The following CFAP20DC variants were observed in gnomAD, a reference collection of about 807,000 sequenced individuals.
The protein encoded by CFAP20DC is CFAP20 domain containing.
CFAP20DC carries 84 observed loss-of-function variants against 101.7 expected under a neutral mutation model. The ratio of observed to expected loss-of-function variants is 0.83; its 90% CI spans 0.69 to 0.99. The LOEUF is 0.99. CFAP20DC is among the 50% of genes least tolerant of loss of function. The pLI is 0.00. For synonymous variants in CFAP20DC, 359 were observed against 351.2 expected (o/e 1.02, Z -0.25); for missense variants, 1,007 against 970.3 (o/e 1.04, Z -0.50).
In CFAP20DC at chr3:58,788,444, C is replaced by T. The variant is rs1020681571; in HGVS notation, c.2237+17951G>A. 6.6e-6 allele frequency among the ~76,000 whole-genome samples: 1 copy of T among 152,132 alleles called. No homozygotes were observed. The highest frequency in any genetic ancestry group is 1.5e-5 in the Non-Finnish European group (1 of 68,030). ...AAGTAATGGGGAGCAAATGGGGAAT[C>T]AACGAGAAAAATTTCTTACCTTTAG... On this transcript the variant is annotated intron_variant, in intron 15 of 16. Transcript: ENST00000482387. This position sits in a 1 kb window ranked among gnomAD's most constrained non-coding sequence, Gnocchi z 4.2.
rs146056417 is a variant in CFAP20DC, at chr3:58,864,043, C to T, written c.1259-151G>A. ...CGCGATCTCGGCTCACTGCAACCTCCGCCTCCCAACCTTCAAGTGATTCTC... is the reference window on the plus strand; with the variant it reads ...CGCGATCTCGGCTCACTGCAACCTCTGCCTCCCAACCTTCAAGTGATTCTC... On this transcript the variant is annotated intron_variant, in intron 11 of 16. Coordinates refer to ENST00000482387, the MANE Select transcript of CFAP20DC (RefSeq NM_001394063.1). This position sits in a 1 kb window ranked among gnomAD's most constrained non-coding sequence, Gnocchi z 4.7. 2.4e-3 allele frequency: 1,729 copies of T among 717,670 alleles called. 25 individuals carry two copies. In the African/African-American group the frequency reaches 0.027, roughly 11 times the overall value. The allele number at this position is 717,670 out of a possible 1,614,324, so 44.5% of individuals were successfully genotyped here. A position where few individuals can be genotyped will look rare whatever the true frequency, so the allele number is the denominator to read the frequency against.
chr3:58,817,603 A>G (rs2075294408), intron 14 of CFAP20DC, among the ~76,000 whole-genome samples: 1 of 143,882 alleles, frequency 7.0e-6, no homozygotes, highest in Non-Finnish European at 1.5e-5. Context: ...AAGAATAAAA[A>G]GAAATGAGCA....
At chr3:58,820,392 C>A (rs1474517787) in intron 14 of CFAP20DC, among the ~76,000 whole-genome samples, 2 of 150,458 alleles carry the variant, frequency 1.3e-5, no homozygotes, top group African/African-American at 4.9e-5. Flanking sequence ...ATCTAGAAAA[C>A]CCCATTGTCT....
At chr3:58,934,253 C>A (rs1282773883) in intron 5 of CFAP20DC, among the ~76,000 whole-genome samples, 4 of 152,202 alleles carry the variant, frequency 2.6e-5, no homozygotes, top group African/African-American at 9.7e-5. Context: ...AGACCAATAA[C>A]AGGCTCTGAA....
chr3:59,048,441 A>T (rs1700039343), intron 1 of CFAP20DC, among the ~76,000 whole-genome samples: 1 of 152,192 alleles, frequency 6.6e-6, no homozygotes, highest in Non-Finnish European at 1.5e-5. Flanking sequence ...TATGAATTTA[A>T]ATTTGAGACA....
At chr3:58,809,525 C>A (rs1395455073) in intron 14 of CFAP20DC, among the ~76,000 whole-genome samples, 3 of 151,826 alleles carry the variant, frequency 2.0e-5, no homozygotes, top group Non-Finnish European at 4.4e-5. Context: ...ACATAACATA[C>A]CAGAATCTCT....
At chr3:59,009,572 T>A (rs1031042502) in intron 4 of CFAP20DC, among the ~76,000 whole-genome samples, 2 of 152,100 alleles carry the variant, frequency 1.3e-5, no homozygotes, top group Non-Finnish European at 2.9e-5. Flanking sequence ...AATTTGGGAT[T>A]ATGTTAAACA....
At chr3:58,837,466 A>G (rs904888983) in intron 13 of CFAP20DC, among the ~76,000 whole-genome samples, 6 of 152,194 alleles carry the variant, frequency 3.9e-5, no homozygotes, top group African/African-American at 1.4e-4. Context: ...ACGAATAGTG[A>G]CAGGGAGGGA....
intron 14 of CFAP20DC, among the ~76,000 whole-genome samples, chr3:58,817,230 C>T (rs964322566): frequency 2.6e-5 from 4 of 152,126 alleles, no homozygotes; most frequent in East Asian, 1.9e-4. Flanking sequence ...AAACGCAGAG[C>T]GCCTCTCTTC....
intron 12 of CFAP20DC, among the ~76,000 whole-genome samples, chr3:58,851,501 G>A (rs188895835): frequency 6.6e-6 from 1 of 152,064 alleles, no homozygotes; most frequent in South Asian, 2.1e-4. Context: ...TTTTCTTTTT[G>A]TGAAATGTAG....
At chr3:58,784,928 G>C (rs1339608705) in intron 15 of CFAP20DC, among the ~76,000 whole-genome samples, 1 of 151,974 alleles carries the variant, frequency 6.6e-6, no homozygotes, top group East Asian at 1.9e-4. Context: ...CCCACGACTG[G>C]GTATTTATCC....
chr3:59,020,116 T>C (rs1261546774), intron 4 of CFAP20DC, among the ~76,000 whole-genome samples: 1 of 152,110 alleles, frequency 6.6e-6, no homozygotes, highest in African/African-American at 2.4e-5. Flanking sequence ...TATATGTTTT[T>C]ATAGGTATTT....
intron 3 of CFAP20DC, among the ~76,000 whole-genome samples, chr3:58,719,950 T>A (rs966933523): frequency 1.3e-5 from 2 of 152,220 alleles, no homozygotes; most frequent in Non-Finnish European, 2.9e-5. Context: ...CTGGCTGTTA[T>A]CTCTTCCTGG....
At chr3:59,046,346 A>G in intron 2 of CFAP20DC, 24 bp from the exon 3 acceptor site, 3 of 1,354,066 alleles carry the variant, frequency 2.2e-6, no homozygotes, top group Non-Finnish European at 3.0e-6. Flanking sequence ...TGAAAACAGT[A>G]GTTATCACAG....
At chr3:58,984,616 CTCA>C (rs1310566930) in intron 4 of CFAP20DC, among the ~76,000 whole-genome samples, 2 of 152,262 alleles carry the variant, frequency 1.3e-5, no homozygotes, top group African/African-American at 4.8e-5. Context: ...TCTTGAATTG[CTCA>C]TCATTTCACC....
At chr3:58,961,142 T>C (rs2091099839) in intron 4 of CFAP20DC, among the ~76,000 whole-genome samples, 2 of 152,248 alleles carry the variant, frequency 1.3e-5, no homozygotes, top group Admixed American at 1.3e-4. Flanking sequence ...GATTTTGTTT[T>C]CTAATATTTT....
chr3:58,741,947 T>A (rs2067901385), downstream of CFAP20DC: 2 of 370,168 alleles, frequency 5.4e-6, no homozygotes, highest in Non-Finnish European at 7.5e-6. Flanking sequence ...AAGGAAAGTA[T>A]CATATAGGAA....
At chr3:58,967,859 CCCACCCT>C (rs1260113571) in intron 4 of CFAP20DC, among the ~76,000 whole-genome samples, 3 of 152,132 alleles carry the variant, frequency 2.0e-5, no homozygotes, top group African/African-American at 4.8e-5. Flanking sequence ...TCTCCCTCCT[CCCACCCT>C]CCACCCTCAA....
rs1576190305 is a variant in CFAP20DC, at chr3:58,894,751, C to T, written c.551-10042G>A. 1.3e-5 allele frequency among the ~76,000 whole-genome samples: 2 copies of T among 152,354 alleles called. No individual in the cohort carries two copies. The highest frequency in any genetic ancestry group is 2.1e-4 in the South Asian group (1 of 4,828). Reference sequence around the variant, plus strand: ...GTGGTGGCTCCAATCCCACATTTCCCTTCTGCACTGCCCTAGCTGAGGTTC... The same window carrying T: ...GTGGTGGCTCCAATCCCACATTTCCTTTCTGCACTGCCCTAGCTGAGGTTC... On this transcript the variant is annotated intron_variant, in intron 6 of 16. Coordinates refer to ENST00000482387, the MANE Select transcript of CFAP20DC (RefSeq NM_001394063.1). The surrounding 1 kb of genome is among the most constrained non-coding windows in gnomAD (Gnocchi z 4.1).
Sources: allele counts gnomAD v4.1 joint callset (sites outside exome capture counted in the v4.1 genomes callset), GRCh38; gene constraint gnomAD v4.1.1; non-coding constraint Gnocchi (gnomAD v3.1); transcripts MANE v1.5; gene names NCBI Gene and HGNC (gene_info 2026-07-23, HGNC 2026-07-21).